Variants in LRP1B observed in about 807,000 individuals in gnomAD.
The protein encoded by LRP1B is LDL receptor related protein 1B, also known as low-density lipoprotein receptor-related protein 1B.
Under a neutral mutation model 556.6 loss-of-function variants are expected in LRP1B, and 217 were observed. The observed-to-expected ratio is 0.39, with a 90% confidence interval of 0.35 to 0.44. The LOEUF (loss-of-function observed/expected upper bound fraction) is 0.44, where lower values mean the gene tolerates loss of function less well. Among genes scored for constraint, LRP1B ranks in the 20% least tolerant of loss-of-function variants. The probability of loss-of-function intolerance (pLI) is 1.00; values close to 1 mark genes in which losing one functional copy is unlikely to be tolerated. For missense variants in LRP1B, 5,053 were observed against 5,620.8 expected (o/e 0.90, Z 3.23); for synonymous variants, 2,047 against 1,865.8 (o/e 1.10, Z -2.50).
At chr2:140,278,191 G>T (rs1558766225) in intron 84 of LRP1B, among the ~76,000 whole-genome samples, 1 of 151,746 alleles carries the variant, frequency 6.6e-6, no homozygotes, top group Non-Finnish European at 1.5e-5. Flanking sequence ...TAGAAGTCAA[G>T]AAGGATTTAT....
At chr2:140,901,427 AC>A in intron 23 of LRP1B, among the ~76,000 whole-genome samples, 3 of 152,066 alleles carry the variant, frequency 2.0e-5, no homozygotes, top group Middle Eastern at 6.8e-3. Context: ...AAATTCTTTT[AC>A]CCCCTGTGCC....
chr2:141,437,503 T>G (rs558895999), intron 3 of LRP1B, among the ~76,000 whole-genome samples: 2 of 152,186 alleles, frequency 1.3e-5, no homozygotes, highest in Non-Finnish European at 2.9e-5. Context: ...AATTTCTCTT[T>G]GGTCACCAGC....
At chr2:140,233,511 G>A (rs938448974) in intron 90 of LRP1B, among the ~76,000 whole-genome samples, 185 bp from the exon 91 acceptor site, 5 of 150,990 alleles carry the variant, frequency 3.3e-5, no homozygotes, top group African/African-American at 1.2e-4. Flanking sequence ...ACTCAAGCAT[G>A]GTATTAAATG....
intron 1 of LRP1B, among the ~76,000 whole-genome samples, chr2:141,896,119 G>A (rs561558527): frequency 6.6e-6 from 1 of 152,086 alleles, no homozygotes; most frequent in African/African-American, 2.4e-5. Context: ...GCCTACTTAC[G>A]CCAAAATATA....
At chr2:140,782,805 G>T (rs190863536) in intron 32 of LRP1B, among the ~76,000 whole-genome samples, 2 of 152,230 alleles carry the variant, frequency 1.3e-5, no homozygotes, top group East Asian at 3.9e-4. Context: ...CCCTTTGCAA[G>T]TCTCTAAATT....
chr2:140,591,841 C>A (rs1682240548), intron 43 of LRP1B, among the ~76,000 whole-genome samples: 1 of 152,144 alleles, frequency 6.6e-6, no homozygotes, highest in Non-Finnish European at 1.5e-5. Context: ...TTTTCAGGGA[C>A]CATAACTTCT....
chr2:142,093,956 G>T (rs749751279), intron 1 of LRP1B, among the ~76,000 whole-genome samples: 27 of 152,052 alleles, frequency 1.8e-4, no homozygotes, highest in Non-Finnish European at 3.7e-4. Flanking sequence ...ATAAGCAACA[G>T]AAACTTATTT....
chr2:142,043,104 T>C (rs1055993266), intron 1 of LRP1B, among the ~76,000 whole-genome samples: 4 of 151,584 alleles, frequency 2.6e-5, no homozygotes, highest in African/African-American at 9.7e-5. Context: ...TGTCAAAAAC[T>C]ATATCTTGAA....
chr2:140,656,965 T>C (rs1467312153), intron 41 of LRP1B, among the ~76,000 whole-genome samples: 2 of 152,136 alleles, frequency 1.3e-5, no homozygotes, highest in Non-Finnish European at 1.5e-5. Context: ...ATTTCATCAA[T>C]ATATCACAAA....
intron 7 of LRP1B, among the ~76,000 whole-genome samples, chr2:141,115,937 A>G (rs2104981542): frequency 6.6e-6 from 1 of 152,322 alleles, no homozygotes; most frequent in East Asian, 1.9e-4. Context: ...GCATCGTAAG[A>G]GAATGATTAA....
chr2:140,392,217 C>T (rs13010738), intron 66 of LRP1B, among the ~76,000 whole-genome samples: 102,105 of 151,610 alleles, frequency 0.67, 34,696 homozygotes, highest in Non-Finnish European at 0.73. Context: ...TTTTGTTTTT[C>T]TTTTACACTG....
chr2:141,980,390 T>C (rs1313715861), intron 1 of LRP1B, among the ~76,000 whole-genome samples: 1 of 152,158 alleles, frequency 6.6e-6, no homozygotes, highest in Non-Finnish European at 1.5e-5. Flanking sequence ...ATTATTGTCC[T>C]ATTTTATACA....
In LRP1B at chr2:140,297,882, G is replaced by C. The variant is rs139037100; in HGVS notation, c.12893C>G (p.Thr4298Ser). ...VCEDFCQNGG[T>S]CIVTAGNQPY... ...CTGGTTTCCAGCAGTCACAATGCAG[G>C]TTCCTCCATTTTGACAAAAATCCTC... Residue 4298 changes from threonine to serine, a missense_variant, in exon 84 of 91, where the codon ACC becomes AGC. Thr to Ser is a moderately conservative substitution (Grantham distance 58). This residue lies in a region of LRP1B where 551 missense variants were observed against 592.0 expected (regional missense o/e 0.93). Coordinates refer to ENST00000389484, the MANE Select transcript of LRP1B (RefSeq NM_018557.3). 1.7e-3 allele frequency: 2,679 copies of C among 1,614,010 alleles called. 43 individuals are homozygous for C. The South Asian group carries it at 0.018, about 11-fold the overall frequency.
chr2:140,600,767 G>GTTTTTTTTTTTTTTTTTTTTTTTT (rs61336155), intron 42 of LRP1B, among the ~76,000 whole-genome samples: 4 of 56,908 alleles, frequency 7.0e-5, no homozygotes, highest in Non-Finnish European at 1.0e-4. Flanking sequence ...GTTCTTCGGG[G>GTTTTTTTTTTTTTTTTTTTTTTTT]TTTTTTTTTT....
intron 4 of LRP1B, 84 bp from the exon 5 acceptor site, chr2:141,247,438 C>A (rs1400211487): frequency 2.6e-6 from 4 of 1,520,668 alleles, no homozygotes. Context: ...TATTTTTGAA[C>A]TTCGGAAATA....
intron 1 of LRP1B, among the ~76,000 whole-genome samples, chr2:141,856,436 C>T (rs1055048934): frequency 3.3e-5 from 5 of 152,048 alleles, no homozygotes; most frequent in African/African-American, 7.2e-5. Context: ...CTTCCTCAGA[C>T]ATGGGAAACC....
At chr2:141,710,981 C>T (rs1168208179) in intron 2 of LRP1B, among the ~76,000 whole-genome samples, 2 of 152,148 alleles carry the variant, frequency 1.3e-5, no homozygotes, top group South Asian at 2.1e-4. Flanking sequence ...CCAGGAGTAA[C>T]CTGGGAAAAT....
chr2:140,687,275 C>T (rs559092371), intron 41 of LRP1B, among the ~76,000 whole-genome samples: 63 of 152,002 alleles, frequency 4.1e-4, no homozygotes, highest in Non-Finnish European at 8.2e-4. Context: ...TCTACATGTC[C>T]CTGACATGCT....
intron 3 of LRP1B, among the ~76,000 whole-genome samples, chr2:141,473,390 T>C (rs1682554777): frequency 6.6e-6 from 1 of 152,190 alleles, no homozygotes; most frequent in Non-Finnish European, 1.5e-5. Context: ...TTCAAAAGGA[T>C]GAAACACCTA....
Sources: allele counts gnomAD v4.1 joint callset (sites outside exome capture counted in the v4.1 genomes callset), GRCh38; gene constraint gnomAD v4.1.1; regional missense constraint gnomAD v4.1.1; transcripts MANE v1.5; gene names NCBI Gene and HGNC (gene_info 2026-07-23, HGNC 2026-07-21).